The following TTC6 variants were observed in gnomAD, a reference collection of about 807,000 sequenced individuals.
TTC6 encodes the protein tetratricopeptide repeat domain 6, also known as tetratricopeptide repeat protein 6.
A neutral mutation model predicts 210.4 loss-of-function variants in TTC6; 172 were observed. That is an observed-to-expected ratio of 0.82 (90% confidence interval 0.72 to 0.93). The LOEUF is 0.93. Ranked by LOEUF, TTC6 falls within the 40% of genes least tolerant of loss-of-function variation. The pLI is 0.00. For missense variants in TTC6, 2,414 were observed against 2,318.1 expected, an observed-to-expected ratio of 1.04 and a Z score of -0.85; for synonymous variants, 804 against 819.6, an observed-to-expected ratio of 0.98 and a Z score of 0.32.
chr14:37,733,995 T>C (rs1246310748), intron 7 of TTC6, among the ~76,000 whole-genome samples: 2 of 152,178 alleles, frequency 1.3e-5, no homozygotes, highest in Admixed American at 1.3e-4. Flanking sequence ...TGTTATGTTA[T>C]GGTGTTTTGT....
intron 14 of TTC6, among the ~76,000 whole-genome samples, chr14:37,753,436 G>T (rs961697297): frequency 6.6e-6 from 1 of 152,150 alleles, no homozygotes; most frequent in African/African-American, 2.4e-5. Flanking sequence ...ATTTAAAATT[G>T]TTTCATTTGC....
intron 26 of TTC6, among the ~76,000 whole-genome samples, chr14:37,817,891 T>C (rs992100991): frequency 6.6e-6 from 1 of 152,184 alleles, no homozygotes; most frequent in East Asian, 1.9e-4. Context: ...AGCAGGCAAA[T>C]GCTTCCATCA....
chr14:37,782,755 G>A (rs1228835429), intron 14 of TTC6, among the ~76,000 whole-genome samples: 1 of 152,166 alleles, frequency 6.6e-6, no homozygotes, highest in Non-Finnish European at 1.5e-5. Context: ...TATGATATTG[G>A]CTGTGGGTTT....
rs111448368 is a variant in TTC6 at position 37,646,088 on chromosome 14, A to G, written c.939+23085A>G. Among the ~76,000 whole-genome samples, 1,350 of 152,306 alleles carry G rather than the reference A, an allele frequency of 8.9e-3. 9 individuals are homozygous for G. Among genetic ancestry groups the G allele is most frequent in the Middle Eastern group, 0.044 (13 of 294 alleles). ...GGGAATATCAGGAACCATAGTGTGT[A>G]TGAAGGACTGGAAAATGAAATAACA... On this transcript the variant is annotated intron_variant, in intron 1 of 30. Transcript: ENST00000553443.
intron 1 of TTC6, among the ~76,000 whole-genome samples, chr14:37,597,005 ATTTTT>A (rs34214926): frequency 7.2e-6 from 1 of 138,494 alleles, no homozygotes. Flanking sequence ...ATTGGATTAC[ATTTTT>A]TTTTTTTTTT....
chr14:37,789,843 A>G (rs1430977521), intron 15 of TTC6, among the ~76,000 whole-genome samples: 1 of 151,966 alleles, frequency 6.6e-6, no homozygotes, highest in Non-Finnish European at 1.5e-5. Context: ...ATAGTTCCCT[A>G]AATCCAGTAC....
Position 37,740,057 on chromosome 14 carries a change from G to A in TTC6, c.2363+902G>A, listed in dbSNP as rs544383857. Among the ~76,000 whole-genome samples, 393 of 151,848 alleles carry A rather than the reference G, an allele frequency of 2.6e-3. 1 individual carries two copies. Among genetic ancestry groups the A allele is most frequent in the Non-Finnish European group, 4.3e-3 (290 of 67,932 alleles). ...TGGGCACCTGTAGTCCCAGCTGTTC[G>A]GGAGGCTGAGGCAGGAGAATGGCGT... On this transcript the variant is annotated intron_variant, in intron 10 of 30. Coordinates refer to ENST00000553443, the Ensembl canonical transcript of TTC6.
intron 3 of TTC6, among the ~76,000 whole-genome samples, chr14:37,691,508 A>G (rs1343451078): frequency 6.6e-6 from 1 of 152,168 alleles, no homozygotes; most frequent in Non-Finnish European, 1.5e-5. Flanking sequence ...TGATAATGGA[A>G]ACATAACATA....
At chr14:37,663,602 G>GT (rs2095741871) in intron 1 of TTC6, among the ~76,000 whole-genome samples, 2 of 152,052 alleles carry the variant, frequency 1.3e-5, no homozygotes. Flanking sequence ...TACCTTATTA[G>GT]TTATGCCAGT....
Position 37,812,395 on chromosome 14 carries a change from A to C in TTC6, c.4651A>C (p.Ile1551Leu), listed in dbSNP as rs199827525. The change falls in exon 25 of 31, where the codon ATC becomes CTC. Residue 1551 changes from isoleucine (I) to leucine (L), a missense_variant. Physicochemically the swap from Ile to Leu is conservative, Grantham distance 5. Transcript: ENST00000553443. ...AAATACCTTCCTTAATCGTGGACTC[A>C]TCTACGTAGAACTAGGCCAGTATGG... 4 of 1,613,028 alleles carry C rather than the reference A, an allele frequency of 2.5e-6. No homozygotes were observed. In the South Asian group the frequency reaches 3.3e-5, roughly 13 times the overall value.
chr14:37,749,236 GT>G lies in TTC6; in HGVS notation c.2662del (p.Ser888LeufsTer15). On this transcript the variant is annotated frameshift_variant, in exon 11 of 31. Coordinates refer to ENST00000553443, the Ensembl canonical transcript of TTC6. LOFTEE classifies it high-confidence loss of function. ...AACTAAAATTAAATGATTATGTGGAGTCTGATCTTCCACAAGAGGTCATTAA... is the reference window on the plus strand; with the variant it reads ...AACTAAAATTAAATGATTATGTGGAGCTGATCTTCCACAAGAGGTCATTAA... The G allele has an allele frequency of 6.5e-7, 1 of 1,529,236 alleles. No homozygotes were observed. Among genetic ancestry groups the G allele is most frequent in the Non-Finnish European group, 8.7e-7 (1 of 1,143,840 alleles). 94.7% of individuals were successfully genotyped at this position (1,529,236 alleles called of 1,614,324 possible).
intron 5 of TTC6, among the ~76,000 whole-genome samples, chr14:37,703,100 G>A (rs1412957732): frequency 6.6e-6 from 1 of 151,810 alleles, no homozygotes; most frequent in Non-Finnish European, 1.5e-5. Context: ...CCTAAAGCTA[G>A]GAGTAGAAAA....
chr14:37,623,510 A>G (rs177830), intron 1 of TTC6, among the ~76,000 whole-genome samples: 2,921 of 152,298 alleles, frequency 0.019, 41 homozygotes, highest in Non-Finnish European at 0.028. Flanking sequence ...TTTATTTTCT[A>G]TGTCTTCCCA....
At chr14:37,615,325 A>T (rs1028545396) in intron 2 of TTC6, among the ~76,000 whole-genome samples, 1 of 152,054 alleles carries the variant, frequency 6.6e-6, no homozygotes, top group Non-Finnish European at 1.5e-5. Flanking sequence ...CTCAAACATA[A>T]TTATTTTTTA....
chr14:37,694,457 G>A (rs151155095), intron 3 of TTC6, among the ~76,000 whole-genome samples: 2,278 of 152,234 alleles, frequency 0.015, 45 homozygotes, highest in African/African-American at 0.052. Flanking sequence ...GAAAAGGGAA[G>A]CCTCATACAT....
intron 7 of TTC6, among the ~76,000 whole-genome samples, chr14:37,731,553 A>G (rs1244703979): frequency 6.6e-6 from 1 of 151,516 alleles, no homozygotes; most frequent in East Asian, 1.9e-4. Context: ...ATTTGTCTAT[A>G]TTTTCCTGTA....
intron 29 of TTC6, among the ~76,000 whole-genome samples, chr14:37,834,133 C>T (rs1055225220): frequency 2.0e-5 from 3 of 152,072 alleles, no homozygotes; most frequent in African/African-American, 7.2e-5. Flanking sequence ...TTGTCTTAGA[C>T]TTTTGACAGT....
At chr14:37,824,094 G>A (rs2096164767) in intron 27 of TTC6, 137 bp downstream of exon 29, 1 of 834,622 alleles carries the variant, frequency 1.2e-6, no homozygotes, top group Non-Finnish European at 1.8e-6. Flanking sequence ...AGGTTCCAGA[G>A]TAGCAGTGGG....
At chr14:37,800,345 G>T (rs956253682) in intron 20 of TTC6, among the ~76,000 whole-genome samples, 5 of 152,184 alleles carry the variant, frequency 3.3e-5, no homozygotes, top group Admixed American at 1.3e-4. Flanking sequence ...TCCAAGCAAG[G>T]TGTTGACAGT....
Sources: gnomAD v4.1 joint callset for allele counts (sites outside exome capture counted in the v4.1 genomes callset) on GRCh38, gnomAD v4.1.1 for gene constraint, MANE v1.5 for transcripts, NCBI Gene and HGNC (gene_info 2026-07-23, HGNC 2026-07-21) for gene names.